Variants in NR5A2 observed in about 807,000 individuals in gnomAD.
NR5A2 encodes the protein nuclear receptor subfamily 5 group A member 2.
Under a neutral mutation model 62.7 loss-of-function variants are expected in NR5A2, and 26 were observed. That is an observed-to-expected ratio of 0.41 (90% CI 0.30 to 0.58). The LOEUF is 0.58. Ranked by LOEUF, NR5A2 falls within the 20% of genes least tolerant of loss-of-function variation. The probability of loss-of-function intolerance (pLI) is 0.22; values close to 1 mark genes in which losing one functional copy is unlikely to be tolerated. For synonymous variants in NR5A2, 246 were observed against 241.7 expected (o/e 1.02, Z -0.16); for missense variants, 541 against 669.1 (o/e 0.81, Z 2.11).
Position 200,147,591 on chromosome 1 carries a change from A to G in NR5A2, c.1379-26372A>G, listed in dbSNP as rs532307330. 1.4e-6 allele frequency: 1 copy of G among 720,310 alleles called. No individual in the cohort carries two copies. The highest frequency in any genetic ancestry group is 1.3e-5 in the South Asian group (1 of 74,406). 44.6% of individuals were successfully genotyped at this position (720,310 alleles called of 1,614,324 possible). A position where few individuals can be genotyped will look rare whatever the true frequency, so the allele number is the denominator to read the frequency against. On this transcript the variant is annotated intron_variant, in intron 7 of 7. Coordinates refer to ENST00000367362, the MANE Select transcript of NR5A2 (RefSeq NM_205860.3). The surrounding 1 kb of genome is among the most constrained non-coding windows in gnomAD (Gnocchi z 4.9). The stretch of plus-strand genomic sequence containing the variant: ...AAGCGATCTCCTCTACACGAACGCT[A>G]GGGCAGAGCACATTTTCGCACAGGC...
chr1:200,104,295 G>T (rs893321394), intron 5 of NR5A2, among the ~76,000 whole-genome samples: 2 of 152,164 alleles, frequency 1.3e-5, no homozygotes, highest in African/African-American at 4.8e-5. Context: ...TGTTTTTAGT[G>T]CTTGTTTAAT....
chr1:200,035,573 C>A (rs1245104510), intron 1 of NR5A2, among the ~76,000 whole-genome samples: 1 of 152,126 alleles, frequency 6.6e-6, no homozygotes, highest in African/African-American at 2.4e-5. Flanking sequence ...GCAGTTGCAT[C>A]CTCGCGAGTG....
At chr1:200,034,754 A>G (rs1296598731) in intron 1 of NR5A2, among the ~76,000 whole-genome samples, 1 of 141,424 alleles carries the variant, frequency 7.1e-6, no homozygotes, top group African/African-American at 2.6e-5. Flanking sequence ...TGATGTCTTA[A>G]GTAGTTATTC....
Position 200,048,251 on chromosome 1 carries a change from G to C in NR5A2, c.543G>C (p.Gln181His), listed in dbSNP as rs1195448284. The C allele has an allele frequency of 6.2e-7, 1 of 1,613,836 alleles. No individual in the cohort carries two copies. Among genetic ancestry groups the C allele is most frequent in the Non-Finnish European group, 8.5e-7 (1 of 1,180,004 alleles). The change falls in exon 5 of 8, where the codon CAG (glutamine) becomes CAC (histidine). Residue 181 changes from glutamine (Q) to histidine (H), a missense_variant. Physicochemically the swap from Gln to His is conservative, Grantham distance 24. Around this residue, in one of 3 missense-constraint regions of NR5A2, gnomAD observed 54 missense variants for 123.8 expected, o/e 0.44. Coordinates refer to ENST00000367362, the MANE Select transcript of NR5A2 (RefSeq NM_205860.3). This position sits in a 1 kb window ranked among gnomAD's most constrained non-coding sequence, Gnocchi z 4.8. ...MYKRDRALKQ[Q>H]KKALIRANGL... is the part of the protein sequence containing the mutation. ...AGAGAGACAGGGCCCTGAAGCAACAGAAAAAAGCCCTCATCCGAGCCAATG... is the reference window on the plus strand; with the variant it reads ...AGAGAGACAGGGCCCTGAAGCAACACAAAAAAGCCCTCATCCGAGCCAATG...
chr1:200,069,980 CA>C (rs796762352), intron 5 of NR5A2, among the ~76,000 whole-genome samples: 7 of 151,558 alleles, frequency 4.6e-5, no homozygotes, highest in African/African-American at 1.7e-4. Context: ...GCTGTAAGTT[CA>C]ACATAAATTT....
intron 6 of NR5A2, among the ~76,000 whole-genome samples, chr1:200,119,970 C>T (rs969953607): frequency 3.3e-5 from 5 of 151,740 alleles, no homozygotes; most frequent in South Asian, 4.2e-4. Flanking sequence ...TTCCAGACAA[C>T]GGAATTATTC....
At chr1:200,094,309 A>G (rs898581430) in intron 5 of NR5A2, among the ~76,000 whole-genome samples, 26 of 148,516 alleles carry the variant, frequency 1.8e-4, no homozygotes, top group African/African-American at 6.2e-4. Flanking sequence ...CTCAGCCTCC[A>G]GAATAGCTGG....
chr1:200,162,062 G>A (rs1177596719), intron 7 of NR5A2, among the ~76,000 whole-genome samples: 1 of 152,212 alleles, frequency 6.6e-6, no homozygotes, highest in Non-Finnish European at 1.5e-5. Flanking sequence ...CCACAGACAA[G>A]CAAGCAAGAA....
At chr1:200,161,005 G>C (rs1330580657) in intron 7 of NR5A2, among the ~76,000 whole-genome samples, 1 of 151,894 alleles carries the variant, frequency 6.6e-6, no homozygotes, top group African/African-American at 2.4e-5. Flanking sequence ...ATAGTGAAGA[G>C]GTTTTCTCTG....
At chr1:200,151,548 T>G (rs1653121240) in intron 7 of NR5A2, among the ~76,000 whole-genome samples, 2 of 152,170 alleles carry the variant, frequency 1.3e-5, no homozygotes, top group South Asian at 4.1e-4. Context: ...CTCAACTGTT[T>G]TTTTCCCAGA....
In NR5A2 at chr1:200,039,759, C is replaced by T. The variant is rs1474198182; in HGVS notation, c.166C>T (p.His56Tyr). 2 of 1,610,184 alleles carry T rather than the reference C, an allele frequency of 1.2e-6. No homozygotes were observed. Among genetic ancestry groups the T allele is most frequent in the Non-Finnish European group, 1.7e-6 (2 of 1,178,388 alleles). Residue 56 changes from histidine (H) to tyrosine (Y), a missense_variant, in exon 2 of 8, where the codon CAT becomes TAT. Around this residue, in one of 3 missense-constraint regions of NR5A2, gnomAD observed 108 missense variants for 103.3 expected, o/e 1.05. Transcript: ENST00000367362. This position sits in a 1 kb window ranked among gnomAD's most constrained non-coding sequence, Gnocchi z 5.1. Reference sequence around the variant, plus strand: ...GGAAGCCCTGGGACTGGCTCGATCGCATGGGGAACAGGGCCAGATGCCGGA... The same window carrying T: ...GGAAGCCCTGGGACTGGCTCGATCGTATGGGGAACAGGGCCAGATGCCGGA... ...ETEALGLARSHGEQGQMPENM... is the reference protein window; with the variant it reads ...ETEALGLARSYGEQGQMPENM...
chr1:200,159,759 C>A (rs1653555937), intron 7 of NR5A2, among the ~76,000 whole-genome samples: 1 of 152,014 alleles, frequency 6.6e-6, no homozygotes, highest in African/African-American at 2.4e-5. Context: ...TTAAGTGATT[C>A]TCATGCCCTA....
rs879137918 is a variant in NR5A2, at chr1:200,175,819, G to A, written c.*1609G>A. 1.2e-4 allele frequency: 19 copies of A among 152,390 alleles called. No individual in the cohort carries two copies. The highest frequency in any genetic ancestry group is 3.6e-4 in the African/African-American group (15 of 41,364). 9.4% of individuals were successfully genotyped at this position (152,390 alleles called of 1,614,324 possible). On this transcript the variant is annotated 3_prime_UTR_variant, in exon 8 of 8. Coordinates refer to ENST00000367362, the MANE Select transcript of NR5A2 (RefSeq NM_205860.3). ...CTTTAATTTTTTTGAGATTATCGGC[G>A]GCACAATCACTTTGTAGAAACTGTA...
At chr1:200,037,689 C>T (rs1354678408) in intron 1 of NR5A2, among the ~76,000 whole-genome samples, 1 of 152,198 alleles carries the variant, frequency 6.6e-6, no homozygotes, top group African/African-American at 2.4e-5. Flanking sequence ...CCCACTTCTC[C>T]ATACAAACTA....
chr1:200,096,839 A>G (rs1220927272), intron 5 of NR5A2, among the ~76,000 whole-genome samples: 1 of 152,226 alleles, frequency 6.6e-6, no homozygotes, highest in Non-Finnish European at 1.5e-5. Flanking sequence ...AACATGCTGT[A>G]CAGGTTTGTA....
intron 5 of NR5A2, among the ~76,000 whole-genome samples, chr1:200,081,193 T>G (rs1168059152): frequency 2.0e-5 from 3 of 152,200 alleles, no homozygotes; most frequent in South Asian, 2.1e-4. Context: ...GAGGGTACCA[T>G]AGCTAAAATA....
chr1:200,033,955 C>T (rs1037917456), intron 1 of NR5A2, among the ~76,000 whole-genome samples: 13 of 152,176 alleles, frequency 8.5e-5, no homozygotes, highest in African/African-American at 1.2e-4. Context: ...GAAGCTCAGG[C>T]AGGGGCTTTT....
intron 1 of NR5A2, among the ~76,000 whole-genome samples, chr1:200,033,767 C>T (rs1416370015): frequency 1.3e-5 from 2 of 152,230 alleles, no homozygotes; most frequent in African/African-American, 2.4e-5. Context: ...ATTGTGCAAC[C>T]TCTGTAACTG....
At chr1:200,090,951 C>T (rs1327345805) in intron 5 of NR5A2, among the ~76,000 whole-genome samples, 1 of 152,186 alleles carries the variant, frequency 6.6e-6, no homozygotes, top group East Asian at 1.9e-4. Flanking sequence ...TGTTCTGGTG[C>T]CATCCTGAGC....
Sources: gnomAD v4.1 joint callset for allele counts (sites outside exome capture counted in the v4.1 genomes callset) on GRCh38, gnomAD v4.1.1 for gene constraint, gnomAD v4.1.1 regional missense constraint, Gnocchi (gnomAD v3.1) non-coding constraint, MANE v1.5 for transcripts, NCBI Gene and HGNC (gene_info 2026-07-23, HGNC 2026-07-21) for gene names.